MRRF: variants seen among roughly 807,000 people sequenced by gnomAD.
The protein encoded by MRRF is ribosome-recycling factor, mitochondrial.
Under a neutral mutation model 25.1 loss-of-function variants are expected in MRRF, and 18 were observed. The observed-to-expected ratio is 0.72, with a 90% CI of 0.50 to 1.06. MRRF has a LOEUF of 1.06. MRRF is among the 50% of genes least tolerant of loss of function. The pLI is 0.00. For synonymous variants in MRRF, 113 were observed against 112.1 expected, an observed-to-expected ratio of 1.01 and a Z score of -0.05; for missense variants, 323 against 319.3, an observed-to-expected ratio of 1.01 and a Z score of -0.09.
At chr9:122,277,717 A>AT (rs1440325092) in intron 2 of MRRF, among the ~76,000 whole-genome samples, 1 of 151,820 alleles carries the variant, frequency 6.6e-6, no homozygotes, top group Non-Finnish European at 1.5e-5. Context: ...TGCCCAGCTA[A>AT]TTTTTTGTAT....
chr9:122,285,442 T>G, intron 4 of MRRF, 155 bp downstream of exon 4: 2 of 716,718 alleles, frequency 2.8e-6, no homozygotes, highest in Admixed American at 4.0e-5. Context: ...CTTTTCCTGT[T>G]GCCAGATTCC....
intron 5 of MRRF, among the ~76,000 whole-genome samples, chr9:122,298,803 G>A (rs1035438826): frequency 3.9e-5 from 6 of 151,980 alleles, no homozygotes; most frequent in Non-Finnish European, 5.9e-5. Context: ...TGTATGTGTC[G>A]GATGGTCATA....
chr9:122,268,588 T>C (rs372112978), intron 1 of MRRF, among the ~76,000 whole-genome samples: 8 of 152,262 alleles, frequency 5.3e-5, no homozygotes, highest in African/African-American at 1.9e-4. Context: ...TTAATCTCTC[T>C]GAACCTCAGT....
intron 6 of MRRF, among the ~76,000 whole-genome samples, chr9:122,321,404 ATAACT>A (rs1835886869): frequency 6.6e-6 from 1 of 152,242 alleles, no homozygotes; most frequent in Non-Finnish European, 1.5e-5. Flanking sequence ...TCCTCATTCT[ATAACT>A]TTAGATTTTC....
At chr9:122,306,574 T>C (rs1834862162) in intron 5 of MRRF, among the ~76,000 whole-genome samples, 1 of 152,168 alleles carries the variant, frequency 6.6e-6, no homozygotes, top group Non-Finnish European at 1.5e-5. Flanking sequence ...CCTGACAACC[T>C]TGCGTTCAGA....
intron 6 of MRRF, among the ~76,000 whole-genome samples, chr9:122,314,160 A>T (rs530901645): frequency 1.3e-5 from 2 of 152,332 alleles, no homozygotes; most frequent in South Asian, 4.1e-4. Flanking sequence ...ACAATATCAA[A>T]GCATTATTTC....
intron 5 of MRRF, 65 bp downstream of exon 5, chr9:122,291,905 C>A: frequency 9.2e-7 from 1 of 1,083,198 alleles, no homozygotes; most frequent in Non-Finnish European, 1.4e-6. Context: ...AGGAAACCAA[C>A]AAATACCCTA....
chr9:122,301,900 A>ATT (rs563268615), intron 5 of MRRF, among the ~76,000 whole-genome samples: 7 of 141,094 alleles, frequency 5.0e-5, no homozygotes, highest in South Asian at 2.3e-4. Flanking sequence ...CACCCGGCTA[A>ATT]TTTTTTTTTT....
At chr9:122,269,096 G>C (rs1832292995) in intron 1 of MRRF, among the ~76,000 whole-genome samples, 1 of 151,548 alleles carries the variant, frequency 6.6e-6, no homozygotes, top group Admixed American at 6.6e-5. Context: ...TACCCGGGAG[G>C]CGGAGCTTGC....
chr9:122,275,503 C>T (rs1832722254), intron 2 of MRRF, among the ~76,000 whole-genome samples: 1 of 152,124 alleles, frequency 6.6e-6, no homozygotes, highest in Non-Finnish European at 1.5e-5. Context: ...GGCATGGTGG[C>T]ATGCGCCTGT....
chr9:122,330,560 C>G lies in MRRF; in HGVS notation c.*7943C>G, dbSNP rs1564523911. On this transcript the variant is annotated 3_prime_UTR_variant, in exon 7 of 7. Transcript: ENST00000344641. The surrounding 1 kb of genome is among the most constrained non-coding windows in gnomAD (Gnocchi z 4.2). ...AAGTTTTACTAGATTTTAGGCAACTCAAGGAGCTAGCTGTTATTTTGTTCA... is the reference window on the plus strand; with the variant it reads ...AAGTTTTACTAGATTTTAGGCAACTGAAGGAGCTAGCTGTTATTTTGTTCA... 1.3e-5 allele frequency: 2 copies of G among 152,208 alleles called. No homozygotes were observed. Among genetic ancestry groups the G allele is most frequent in the East Asian group, 3.8e-4 (2 of 5,198 alleles). The allele number at this position is 152,208 out of a possible 1,614,324, so 9.4% of individuals were successfully genotyped here. A position where few individuals can be genotyped will look rare whatever the true frequency, so the allele number is the denominator to read the frequency against.
At chr9:122,318,796 A>G (rs995840484) in intron 6 of MRRF, among the ~76,000 whole-genome samples, 8 of 152,192 alleles carry the variant, frequency 5.3e-5, no homozygotes, top group Non-Finnish European at 8.8e-5. Flanking sequence ...CTTAGCTGTT[A>G]ATGTCAGCAA....
chr9:122,321,378 T>C (rs750750936), intron 6 of MRRF, among the ~76,000 whole-genome samples: 2 of 152,240 alleles, frequency 1.3e-5, no homozygotes, highest in African/African-American at 4.8e-5. Context: ...TTAATGACTA[T>C]ATGTATTCAA....
intron 3 of MRRF, among the ~76,000 whole-genome samples, chr9:122,284,014 G>C (rs1432536323): frequency 2.0e-5 from 3 of 151,600 alleles, no homozygotes; most frequent in African/African-American, 7.3e-5. Flanking sequence ...TTGTTTAATG[G>C]GCTAGTTCTA....
intron 5 of MRRF, among the ~76,000 whole-genome samples, chr9:122,303,666 C>T (rs1276037862): frequency 1.3e-5 from 2 of 152,126 alleles, no homozygotes; most frequent in African/African-American, 2.4e-5. Context: ...TCATGGTGAT[C>T]GCATTGTTCT....
intron 1 of MRRF, among the ~76,000 whole-genome samples, chr9:122,267,371 ACT>A (rs1832180388): frequency 6.8e-6 from 1 of 146,188 alleles, no homozygotes; most frequent in Non-Finnish European, 1.5e-5. Flanking sequence ...ACAGAGTGAG[ACT>A]CTGTCTCAAA....
At position 122,285,997 on chromosome 9, in the gene MRRF, A is replaced by C. The variant is rs183367663; in HGVS notation, c.459+710A>C. 17 of 1,303,686 alleles carry C rather than the reference A, an allele frequency of 1.3e-5. No homozygotes were observed. The East Asian group carries it at 9.4e-4, about 72-fold the overall frequency. The allele number at this position is 1,303,686 out of a possible 1,614,324, so 80.8% of individuals were successfully genotyped here. On this transcript the variant is annotated intron_variant, in intron 4 of 6. Coordinates refer to ENST00000344641, the MANE Select transcript of MRRF (RefSeq NM_138777.5). ...TTTGAAGCTTTATGATTTTAAGTGTAGTTGAAGAAGGTAATTGGGCTTTTT... is the reference window on the plus strand; with the variant it reads ...TTTGAAGCTTTATGATTTTAAGTGTCGTTGAAGAAGGTAATTGGGCTTTTT...
At chr9:122,290,460 G>T (rs1009658754) in intron 4 of MRRF, among the ~76,000 whole-genome samples, 2 of 152,212 alleles carry the variant, frequency 1.3e-5, no homozygotes, top group Admixed American at 1.3e-4. Flanking sequence ...TTCTTCATGT[G>T]TATGTGGAAG....
At chr9:122,308,589 C>T (rs2118931532) in intron 5 of MRRF, among the ~76,000 whole-genome samples, 1 of 150,606 alleles carries the variant, frequency 6.6e-6, no homozygotes, top group Admixed American at 6.7e-5. Flanking sequence ...ATCCCAGCTA[C>T]TCAGGAGGCT....
Sources: allele counts gnomAD v4.1 joint callset (sites outside exome capture counted in the v4.1 genomes callset), GRCh38; gene constraint gnomAD v4.1.1; non-coding constraint Gnocchi (gnomAD v3.1); transcripts MANE v1.5; gene names NCBI Gene and HGNC (gene_info 2026-07-23, HGNC 2026-07-21).